ARB2A: variants seen among roughly 807,000 people sequenced by gnomAD.
ARB2A encodes the protein cotranscriptional regulator ARB2A.
the ARB2A span, among the ~76,000 whole-genome samples, chr5:94,029,166 ATT>A: frequency 6.6e-6 from 1 of 151,976 alleles, no homozygotes; most frequent in Non-Finnish European, 1.5e-5. Context: ...TAATTTTTGT[ATT>A]TTTAGTAGGG....
the ARB2A span, among the ~76,000 whole-genome samples, chr5:93,943,372 A>G: frequency 1.2e-4 from 18 of 152,222 alleles, 1 homozygote; most frequent in South Asian, 3.7e-3. Flanking sequence ...AAAAGCATCA[A>G]AGTCTGTAAG....
chr5:93,781,951 A>G, the ARB2A span: 6 of 984,448 alleles, frequency 6.1e-6, no homozygotes, highest in Non-Finnish European at 7.2e-6. Context: ...AGTCTTGCAG[A>G]GGGGATAGGA....
At chr5:94,017,131 C>T in the ARB2A span, among the ~76,000 whole-genome samples, 2 of 152,160 alleles carry the variant, frequency 1.3e-5, no homozygotes, top group Non-Finnish European at 2.9e-5. Flanking sequence ...ACAGATGAAC[C>T]AGGACAAAGA....
At chr5:93,618,173 T>C in the ARB2A span, 1 of 151,778 alleles carries the variant, frequency 6.6e-6, no homozygotes, top group Non-Finnish European at 1.5e-5. Flanking sequence ...ACAATAATAA[T>C]GCAATCCAGG....
the ARB2A span, among the ~76,000 whole-genome samples, chr5:94,045,953 A>G: frequency 6.6e-6 from 1 of 152,224 alleles, no homozygotes; most frequent in African/African-American, 2.4e-5. Context: ...ATCAGGAGAG[A>G]GAAAGATTGT....
the ARB2A span, among the ~76,000 whole-genome samples, chr5:94,102,317 T>C: frequency 6.6e-6 from 1 of 152,030 alleles, no homozygotes; most frequent in Non-Finnish European, 1.5e-5. Flanking sequence ...GAAATAGTCA[T>C]TTTAAGAAGG....
chr5:93,885,954 C>G, the ARB2A span, among the ~76,000 whole-genome samples: 1 of 151,608 alleles, frequency 6.6e-6, no homozygotes. Context: ...TCAGAGAGAT[C>G]TAAAACAAAC....
chr5:93,771,351 C>T, the ARB2A span, among the ~76,000 whole-genome samples: 2 of 151,394 alleles, frequency 1.3e-5, no homozygotes, highest in Non-Finnish European at 2.9e-5. Context: ...CCATAAAAAC[C>T]CTAGAAGAAA....
chr5:93,928,188 C>T, the ARB2A span, among the ~76,000 whole-genome samples: 2 of 152,014 alleles, frequency 1.3e-5, no homozygotes, highest in African/African-American at 2.4e-5. Flanking sequence ...CATTGCAATG[C>T]TATTCATCCA....
the ARB2A span, among the ~76,000 whole-genome samples, chr5:93,645,210 C>A: frequency 0.27 from 41,003 of 152,024 alleles, 7,700 homozygotes; most frequent in African/African-American, 0.53. Context: ...AAAACAATTA[C>A]AGGATGAAGG....
the ARB2A span, among the ~76,000 whole-genome samples, chr5:93,879,093 C>T: frequency 6.6e-6 from 1 of 152,024 alleles, no homozygotes; most frequent in Non-Finnish European, 1.5e-5. Flanking sequence ...ATATAAAATG[C>T]TCTGTGTCTG....
the ARB2A span, among the ~76,000 whole-genome samples, chr5:93,676,217 G>A: frequency 6.6e-6 from 1 of 151,890 alleles, no homozygotes; most frequent in Non-Finnish European, 1.5e-5. Flanking sequence ...TTATGACCAA[G>A]TACAAGTATC....
chr5:93,761,342 C>T, the ARB2A span, among the ~76,000 whole-genome samples: 1 of 152,284 alleles, frequency 6.6e-6, no homozygotes, highest in Non-Finnish European at 1.5e-5. Flanking sequence ...CCTGGAAAAT[C>T]GGGTCACTCT....
At chr5:93,959,355 C>T in the ARB2A span, among the ~76,000 whole-genome samples, 1 of 151,946 alleles carries the variant, frequency 6.6e-6, no homozygotes, top group African/African-American at 2.4e-5. Flanking sequence ...TTAGGTGGTA[C>T]TATTATTATA....
At chr5:93,765,253 T>C in the ARB2A span, among the ~76,000 whole-genome samples, 111 of 152,296 alleles carry the variant, frequency 7.3e-4, no homozygotes, top group African/African-American at 2.5e-3. Flanking sequence ...GGAAGTCAAA[T>C]TGTCCCTGTT....
the ARB2A span, among the ~76,000 whole-genome samples, chr5:93,744,268 C>T: frequency 6.6e-6 from 1 of 151,592 alleles, no homozygotes; most frequent in African/African-American, 2.4e-5. Flanking sequence ...AACCCCGTCT[C>T]TACTAAAAAT....
At chr5:94,030,942 GAAGCCAAACA>G in the ARB2A span, among the ~76,000 whole-genome samples, 1 of 152,182 alleles carries the variant, frequency 6.6e-6, no homozygotes. Flanking sequence ...GCCCTCAACA[GAAGCCAAACA>G]GACAATGGCT....
the ARB2A span, among the ~76,000 whole-genome samples, chr5:93,851,879 G>A: frequency 6.6e-6 from 1 of 152,120 alleles, no homozygotes; most frequent in African/African-American, 2.4e-5. Context: ...TTGGTTCCAA[G>A]TCTTTGCTAT....
chr5:93,652,153 C>T, the ARB2A span, among the ~76,000 whole-genome samples: 1 of 152,088 alleles, frequency 6.6e-6, no homozygotes. Flanking sequence ...ATACTATAAT[C>T]CCAATGTTGG....
Sources: allele counts gnomAD v4.1 joint callset (sites outside exome capture counted in the v4.1 genomes callset), GRCh38; gene constraint gnomAD v4.1.1; transcripts MANE v1.5; gene names NCBI Gene and HGNC (gene_info 2026-07-23, HGNC 2026-07-21).